RAB33A: variants seen among roughly 807,000 people sequenced by gnomAD.
The protein encoded by RAB33A is ras-related protein Rab-33A.
In RAB33A, 6 loss-of-function variants were observed where a neutral mutation model predicts 12.0. That is an observed-to-expected ratio of 0.50 (90% CI 0.27 to 0.99). RAB33A has a LOEUF of 0.99. Among genes scored for constraint, RAB33A ranks in the 50% least tolerant of loss-of-function variants. RAB33A has a pLI of 0.11. For synonymous variants in RAB33A, 70 were observed against 82.4 expected (o/e 0.85, Z 0.81); for missense variants, 109 against 192.0 (o/e 0.57, Z 2.55).
chrX:130,126,864 G>A, the RAB33A span, among the ~76,000 whole-genome samples: 3 of 112,478 alleles, frequency 2.7e-5, no homozygotes, highest in Non-Finnish European at 5.6e-5. Context: ...AAGTGCAACT[G>A]GAGTTCAGAG....
intron 1 of RAB33A, among the ~76,000 whole-genome samples, chrX:130,179,653 CA>C (rs769380976): frequency 9.5e-6 from 1 of 105,313 alleles, no homozygotes; most frequent in South Asian, 4.6e-4. Flanking sequence ...CTTGCAGAAG[CA>C]AATCAGTCTT....
At chrX:130,173,423 A>G (rs2031633603) in intron 1 of RAB33A, among the ~76,000 whole-genome samples, 2 of 111,932 alleles carry the variant, frequency 1.8e-5, no homozygotes, top group South Asian at 7.4e-4. Flanking sequence ...TCAAACTGCC[A>G]AAGTGACCAC....
chrX:130,114,056 G>T, the RAB33A span, among the ~76,000 whole-genome samples: 1 of 112,082 alleles, frequency 8.9e-6, no homozygotes, highest in Non-Finnish European at 1.9e-5. Flanking sequence ...ACAGGGCCAG[G>T]GCTGAAGTTG....
the RAB33A span, chrX:130,156,340 TGAAAA>T: frequency 1.0e-6 from 1 of 987,688 alleles, no homozygotes; most frequent in Admixed American, 2.4e-5. Flanking sequence ...GAAGGCTTTT[TGAAAA>T]TTTTTCCAAA....
At chrX:130,166,428 C>A in the RAB33A span, among the ~76,000 whole-genome samples, 4 of 112,202 alleles carry the variant, frequency 3.6e-5, no homozygotes, top group South Asian at 1.5e-3. Context: ...GCTGTGGTTT[C>A]TGTGCTTGGG....
chrX:130,124,833 T>G, the RAB33A span, among the ~76,000 whole-genome samples: 60 of 112,056 alleles, frequency 5.4e-4, no homozygotes, highest in Non-Finnish European at 1.1e-3. Flanking sequence ...TGTTCTGGAC[T>G]GGATGCTGGT....
chrX:130,122,715 G>C, the RAB33A span, among the ~76,000 whole-genome samples: 2 of 111,893 alleles, frequency 1.8e-5, no homozygotes, highest in African/African-American at 6.5e-5. Flanking sequence ...ATGTTTGTTG[G>C]GGATTGGGAG....
At chrX:130,170,259 C>T (rs1036589116), upstream of RAB33A, among the ~76,000 whole-genome samples, 3 of 112,396 alleles carry the variant, frequency 2.7e-5, no homozygotes, top group African/African-American at 9.7e-5. Context: ...AATTTGCTTT[C>T]AGGTATATCA....
At chrX:130,143,409 C>T in the RAB33A span, among the ~76,000 whole-genome samples, 1 of 112,010 alleles carries the variant, frequency 8.9e-6, no homozygotes, top group South Asian at 3.7e-4. Flanking sequence ...CTGCCATCCA[C>T]TCAGACATGC....
chrX:130,130,126 G>A, the RAB33A span: 1 of 1,211,827 alleles, frequency 8.3e-7, no homozygotes, highest in Non-Finnish European at 1.1e-6. Context: ...TAATTTCTGA[G>A]GCCTCGGACT....
the RAB33A span, among the ~76,000 whole-genome samples, chrX:130,150,564 T>C: frequency 9.5e-6 from 1 of 105,402 alleles, no homozygotes; most frequent in Non-Finnish European, 2.0e-5. Flanking sequence ...CTCGATCTCC[T>C]GACCTCGTGA....
the RAB33A span, chrX:130,137,263 A>G: frequency 2.5e-5 from 30 of 1,203,352 alleles, no homozygotes; most frequent in Non-Finnish European, 3.2e-5. Flanking sequence ...GTAAAGGAGC[A>G]GCAGGCAGCC....
chrX:130,172,957 G>GT (rs1205268028), intron 1 of RAB33A, among the ~76,000 whole-genome samples: 2 of 111,683 alleles, frequency 1.8e-5, no homozygotes, highest in South Asian at 3.7e-4. Context: ...GACAAAACTT[G>GT]TTTTTTTGTA....
the RAB33A span, chrX:130,155,415 A>C: frequency 1.3e-6 from 1 of 748,200 alleles, no homozygotes; most frequent in Admixed American, 2.7e-5. Flanking sequence ...AAAAAGAAAA[A>C]AATGCTGCTC....
chrX:130,179,666 G>A (rs2031701099), intron 1 of RAB33A, among the ~76,000 whole-genome samples: 1 of 104,054 alleles, frequency 9.6e-6, no homozygotes, highest in Admixed American at 1.1e-4. Context: ...ATCAGTCTTT[G>A]AGGACTTATG....
the RAB33A span, among the ~76,000 whole-genome samples, chrX:130,142,274 T>C: frequency 2.7e-5 from 3 of 111,788 alleles, no homozygotes; most frequent in Non-Finnish European, 5.6e-5. Flanking sequence ...CTAGAGGCAA[T>C]GACATGAACT....
the RAB33A span, among the ~76,000 whole-genome samples, chrX:130,125,071 C>A: frequency 1.8e-5 from 2 of 111,185 alleles, no homozygotes; most frequent in Admixed American, 1.9e-4. Flanking sequence ...CCACCATGGT[C>A]ACAGAGTAGC....
the RAB33A span, among the ~76,000 whole-genome samples, chrX:130,149,998 A>G: frequency 8.9e-6 from 1 of 112,141 alleles, no homozygotes; most frequent in Non-Finnish European, 1.9e-5. Flanking sequence ...AAGCTGGGAC[A>G]TAAGTTTTCC....
chrX:130,137,193 G>A, the RAB33A span: 27 of 1,209,127 alleles, frequency 2.2e-5, no homozygotes, highest in Non-Finnish European at 3.0e-5. Context: ...GAGCTGGGAA[G>A]AAGAAACAGA....
Sources: allele counts gnomAD v4.1 joint callset (sites outside exome capture counted in the v4.1 genomes callset), GRCh38; gene constraint gnomAD v4.1.1; transcripts MANE v1.5; gene names NCBI Gene and HGNC (gene_info 2026-07-23, HGNC 2026-07-21).